CPEB3: variants seen among roughly 807,000 people sequenced by gnomAD.
The protein encoded by CPEB3 is cytoplasmic polyadenylation element binding protein 3.
Under a neutral mutation model 67.2 loss-of-function variants are expected in CPEB3, and 20 were observed. The observed-to-expected ratio is 0.30, with a 90% confidence interval of 0.21 to 0.43. The LOEUF (loss-of-function observed/expected upper bound fraction) is 0.43. Among genes scored for constraint, CPEB3 ranks in the 20% least tolerant of loss-of-function variants. CPEB3 has a pLI of 1.00. For synonymous variants in CPEB3, 376 were observed against 393.1 expected, an observed-to-expected ratio of 0.96 and a Z score of 0.51; for missense variants, 746 against 968.6, an observed-to-expected ratio of 0.77 and a Z score of 3.05.
chr10:92,161,966 C>T (rs1338825066), intron 4 of CPEB3, among the ~76,000 whole-genome samples: 1 of 152,180 alleles, frequency 6.6e-6, no homozygotes, highest in African/African-American at 2.4e-5. Context: ...CGGCTGACTC[C>T]ACATTTTTAA....
chr10:92,261,392 C>T (rs1387692112), intron 1 of CPEB3, among the ~76,000 whole-genome samples: 6 of 152,120 alleles, frequency 3.9e-5, no homozygotes, highest in Non-Finnish European at 8.8e-5. Context: ...AGCTTATAAA[C>T]CTTACTGTAA....
intron 1 of CPEB3, among the ~76,000 whole-genome samples, chr10:92,286,023 C>A (rs1248736871): frequency 6.6e-6 from 1 of 151,636 alleles, no homozygotes; most frequent in African/African-American, 2.4e-5. Context: ...GCAAGCTCCG[C>A]CTCATGGATT....
At chr10:92,191,559 G>A (rs1172728242) in intron 3 of CPEB3, among the ~76,000 whole-genome samples, 1 of 152,072 alleles carries the variant, frequency 6.6e-6, no homozygotes, top group Non-Finnish European at 1.5e-5. Context: ...TGTGGCTTGA[G>A]GAAATGAGCA....
chr10:92,224,014 C>T (rs1441366284), intron 2 of CPEB3, among the ~76,000 whole-genome samples: 1 of 152,122 alleles, frequency 6.6e-6, no homozygotes, highest in Non-Finnish European at 1.5e-5. Context: ...ATCCATCCAC[C>T]TTGGCCTCCC....
chr10:92,255,596 G>T (rs1185222322), intron 1 of CPEB3, among the ~76,000 whole-genome samples: 1 of 152,188 alleles, frequency 6.6e-6, no homozygotes, highest in African/African-American at 2.4e-5. Flanking sequence ...GCTTCTAGAT[G>T]AGAACTCCGC....
chr10:92,268,901 T>C (rs1475928449), intron 1 of CPEB3, among the ~76,000 whole-genome samples: 1 of 151,998 alleles, frequency 6.6e-6, no homozygotes, highest in Non-Finnish European at 1.5e-5. Flanking sequence ...GCAAGAAATT[T>C]CAGGAGGGCA....
chr10:92,199,835 T>C (rs1289330625), intron 2 of CPEB3, among the ~76,000 whole-genome samples: 1 of 152,096 alleles, frequency 6.6e-6, no homozygotes, highest in African/African-American at 2.4e-5. Context: ...GAAAATGCCT[T>C]ATCTGTTTTT....
chr10:92,129,151 T>C (rs1845728343), intron 6 of CPEB3, among the ~76,000 whole-genome samples: 1 of 152,206 alleles, frequency 6.6e-6, no homozygotes, highest in South Asian at 2.1e-4. Context: ...CATGGAATAG[T>C]ACGCAATCAT....
chr10:92,188,323 A>G (rs1287763812), intron 3 of CPEB3, among the ~76,000 whole-genome samples: 1 of 46,392 alleles, frequency 2.2e-5, no homozygotes, highest in Non-Finnish European at 4.6e-5. Flanking sequence ...GACATAGTAA[A>G]AAAAAAAAAA....
Position 92,277,845 on chromosome 10 carries a change from C to G in CPEB3, c.-12+13081G>C, listed in dbSNP as rs1042846286. 2.0e-5 allele frequency among the ~76,000 whole-genome samples: 3 copies of G among 151,364 alleles called. No individual in the cohort carries two copies. The East Asian group carries it at 5.9e-4, about 30-fold the overall frequency. ...GGTGGAGGTTGCAGTGAGTTGAGAT[C>G]GCGCCACTGTACTCCAGCCTGGGGG... On this transcript the variant is annotated intron_variant, in intron 1 of 9. Coordinates refer to ENST00000265997, the MANE Select transcript of CPEB3 (RefSeq NM_014912.5).
At chr10:92,153,673 T>TG (rs1847070763) in intron 4 of CPEB3, among the ~76,000 whole-genome samples, 1 of 151,974 alleles carries the variant, frequency 6.6e-6, no homozygotes, top group Non-Finnish European at 1.5e-5. Flanking sequence ...CCCAGCTACT[T>TG]GGGGGGCTGA....
chr10:92,160,913 G>A (rs1180631002), intron 4 of CPEB3, among the ~76,000 whole-genome samples: 29 of 152,070 alleles, frequency 1.9e-4, no homozygotes, highest in Admixed American at 3.3e-4. Context: ...TTTTTGAGAC[G>A]GGGTCTCACT....
Position 92,192,615 on chromosome 10 carries a change from T to C in CPEB3, c.1027A>G (p.Thr343Ala). ...PFQDRSRPYD[T>A]FNLHSLENSL... ...TTCTCCAACGAGTGCAAGTTAAAAG[T>C]ATCATAGGGCCTACTCCGGTCCTAA... is the stretch of plus-strand genomic sequence containing the variant. Residue 343 changes from threonine to alanine, a missense_variant, in exon 3 of 10, where the codon ACT becomes GCT. Around this residue, in one of 2 missense-constraint regions of CPEB3, gnomAD observed 643 missense variants for 717.5 expected, o/e 0.90. Coordinates refer to ENST00000265997, the MANE Select transcript of CPEB3 (RefSeq NM_014912.5). The C allele has an allele frequency of 6.2e-7, 1 of 1,611,046 alleles. No individual in the cohort carries two copies. Among genetic ancestry groups the C allele is most frequent in the East Asian group, 2.2e-5 (1 of 44,824 alleles).
intron 7 of CPEB3, among the ~76,000 whole-genome samples, chr10:92,100,734 G>C (rs915069816): frequency 3.2e-4 from 48 of 152,284 alleles, no homozygotes; most frequent in Middle Eastern, 3.4e-3. Context: ...TGGGACTACA[G>C]GTGCCCGCCA....
chr10:92,075,425 C>T (rs189263298), intron 9 of CPEB3, among the ~76,000 whole-genome samples: 4 of 152,144 alleles, frequency 2.6e-5, no homozygotes, highest in African/African-American at 7.2e-5. Context: ...ACATGAAATA[C>T]GGGATGATTA....
intron 3 of CPEB3, among the ~76,000 whole-genome samples, chr10:92,185,009 A>G (rs943434471): frequency 2.0e-5 from 3 of 152,202 alleles, no homozygotes; most frequent in African/African-American, 7.2e-5. Flanking sequence ...GGAGGAAAAT[A>G]AAATATATAA....
At chr10:92,274,215 C>T (rs1263393017) in intron 1 of CPEB3, among the ~76,000 whole-genome samples, 1 of 152,164 alleles carries the variant, frequency 6.6e-6, no homozygotes, top group African/African-American at 2.4e-5. Context: ...GTGAAGGGCC[C>T]AACACATGCC....
intron 6 of CPEB3, among the ~76,000 whole-genome samples, chr10:92,131,415 G>C (rs1286857339): frequency 1.3e-5 from 2 of 152,112 alleles, no homozygotes; most frequent in African/African-American, 4.8e-5. Flanking sequence ...ATTTAAGTAG[G>C]ATGTTGTAAA....
chr10:92,181,431 TAA>T (rs1027351290), intron 3 of CPEB3, among the ~76,000 whole-genome samples: 13 of 123,030 alleles, frequency 1.1e-4, no homozygotes, highest in African/African-American at 4.1e-4. Flanking sequence ...TTAGAGAGAA[TAA>T]AAAGAGAGGT....
Sources: allele counts gnomAD v4.1 joint callset (sites outside exome capture counted in the v4.1 genomes callset), GRCh38; gene constraint gnomAD v4.1.1; regional missense constraint gnomAD v4.1.1; transcripts MANE v1.5; gene names NCBI Gene and HGNC (gene_info 2026-07-23, HGNC 2026-07-21).